TBCK: variants seen among roughly 807,000 people sequenced by gnomAD.
TBCK encodes TBC1 domain containing kinase, also known as TBC domain-containing protein kinase-like protein.
A neutral mutation model predicts 113.4 loss-of-function variants in TBCK; 99 were observed. The ratio of observed to expected loss-of-function variants is 0.87; its 90% confidence interval spans 0.74 to 1.03. The LOEUF is 1.03. Among genes scored for constraint, TBCK ranks in the 50% least tolerant of loss-of-function variants. The pLI is 0.00. For missense variants in TBCK, 1,045 were observed against 1,061.3 expected (o/e 0.98, Z 0.21); for synonymous variants, 369 against 370.8 (o/e 1.00, Z 0.05).
At chr4:106,138,419 T>TCC (rs1469646538) in intron 23 of TBCK, among the ~76,000 whole-genome samples, 7 of 141,812 alleles carry the variant, frequency 4.9e-5, no homozygotes, top group African/African-American at 1.7e-4. Flanking sequence ...ACTTAATGAC[T>TCC]CCACTGGAGT....
chr4:106,161,266 T>C (rs1220721193), intron 23 of TBCK, among the ~76,000 whole-genome samples: 1 of 152,144 alleles, frequency 6.6e-6, no homozygotes, highest in Admixed American at 6.5e-5. Flanking sequence ...TAAATGCATA[T>C]ATATTTAACT....
At chr4:106,060,931 T>C (rs1369398016) in intron 25 of TBCK, among the ~76,000 whole-genome samples, 1 of 151,664 alleles carries the variant, frequency 6.6e-6, no homozygotes, top group Non-Finnish European at 1.5e-5. Flanking sequence ...AGTGCAGATA[T>C]GGTGGAAATA....
chr4:106,173,497 T>A (rs1433594032), intron 22 of TBCK, among the ~76,000 whole-genome samples: 2 of 152,116 alleles, frequency 1.3e-5, no homozygotes, highest in African/African-American at 4.8e-5. Context: ...ATTTGACACA[T>A]CTGTCACCAG....
Position 106,250,476 on chromosome 4 carries a change from T to C in TBCK, c.600A>G (p.Gly200=), listed in dbSNP as rs1761307454. The change falls in exon 7 of 26, where the codon GGA becomes GGG. Residue 200 remains glycine (G), a splice_region_variant and synonymous_variant. Transcript: ENST00000394708. Reference sequence around the variant, plus strand: ...TATCCAAGCTCTGAAATAATTTTCTTCCCTAAATAAAATGAGAAAAGAAAT... The same window carrying C: ...TATCCAAGCTCTGAAATAATTTTCTCCCCTAAATAAAATGAGAAAAGAAAT... ...LGIILFELCV[G]RKLFQSLDIS... is the part of the protein sequence containing the mutation. 6.6e-7 allele frequency: 1 copy of C among 1,522,022 alleles called. No homozygotes were observed. Among genetic ancestry groups the C allele is most frequent in the Non-Finnish European group, 9.0e-7 (1 of 1,116,220 alleles). 94.3% of individuals were successfully genotyped at this position (1,522,022 alleles called of 1,614,324 possible). A position where few individuals can be genotyped will look rare whatever the true frequency, so the allele number is the denominator to read the frequency against.
In TBCK at chr4:106,249,821, T is replaced by G. The variant is rs143489721; in HGVS notation, c.658+597A>C. 1.9e-3 allele frequency among the ~76,000 whole-genome samples: 295 copies of G among 152,238 alleles called. 2 individuals carry two copies. Among genetic ancestry groups the G allele is most frequent in the African/African-American group, 6.7e-3 (277 of 41,572 alleles). ...AATACTTTCCTGTACATATTCTTAT[T>G]TGTAAATGTTTTTAACTTGGATACT... On this transcript the variant is annotated intron_variant, in intron 7 of 25. Coordinates refer to ENST00000394708, the MANE Select transcript of TBCK (RefSeq NM_001163435.3).
chr4:106,058,456 G>T (rs79449940), intron 25 of TBCK, among the ~76,000 whole-genome samples: 9,502 of 151,818 alleles, frequency 0.063, 349 homozygotes, highest in Non-Finnish European at 0.08. Flanking sequence ...ATTTAAGAGT[G>T]ATACTTAGTT....
intron 22 of TBCK, among the ~76,000 whole-genome samples, chr4:106,180,840 G>T (rs568381215): frequency 6.6e-6 from 1 of 152,058 alleles, no homozygotes; most frequent in South Asian, 2.1e-4. Context: ...CACAATAAAC[G>T]TATGTGTGCA....
chr4:106,290,246 C>A (rs540468781), intron 3 of TBCK, among the ~76,000 whole-genome samples: 1 of 152,084 alleles, frequency 6.6e-6, no homozygotes, highest in East Asian at 1.9e-4. Context: ...GGCGTGATCT[C>A]GGCTCACTGC....
chr4:106,273,350 T>A (rs1763701632), intron 3 of TBCK, among the ~76,000 whole-genome samples: 1 of 152,216 alleles, frequency 6.6e-6, no homozygotes, highest in African/African-American at 2.4e-5. Flanking sequence ...TCCTGACCTC[T>A]TTTCTAAAGA....
At chr4:106,237,794 A>G (rs1238452407) in intron 12 of TBCK, among the ~76,000 whole-genome samples, 1 of 152,126 alleles carries the variant, frequency 6.6e-6, no homozygotes, top group African/African-American at 2.4e-5. Context: ...TAAGTTAGGA[A>G]ATAAAATTTT....
intron 2 of TBCK, among the ~76,000 whole-genome samples, chr4:106,296,264 T>C (rs1349872135): frequency 2.6e-5 from 4 of 152,126 alleles, no homozygotes; most frequent in East Asian, 1.9e-4. Context: ...AGGAGTTTGG[T>C]TCAAAAGAAG....
intron 25 of TBCK, among the ~76,000 whole-genome samples, chr4:106,053,544 T>A (rs76047610): frequency 6.6e-6 from 1 of 151,646 alleles, no homozygotes; most frequent in African/African-American, 2.4e-5. Context: ...TCGTGCTCCA[T>A]TGCTTAGTCC....
chr4:106,308,928 G>A lies in TBCK; in HGVS notation c.33C>T (p.Ala11=). The A allele has an allele frequency of 1.2e-6, 2 of 1,614,082 alleles. No homozygotes were observed. The highest frequency in any genetic ancestry group is 1.7e-6 in the Non-Finnish European group (2 of 1,180,010). The change falls in exon 2 of 26, where the codon GCC becomes GCT. Residue 11 remains alanine, a synonymous_variant. Coordinates refer to ENST00000394708, the MANE Select transcript of TBCK (RefSeq NM_001163435.3). Reference sequence around the variant, plus strand: ...GCAGAGCCGAGGCAAAGAAGGTAAAGGCTCCCATTTCAGCGTCCTTCAGGG... The same window carrying A: ...GCAGAGCCGAGGCAAAGAAGGTAAAAGCTCCCATTTCAGCGTCCTTCAGGG... MFPLKDAEMG[A]FTFFASALPH...
At chr4:106,242,942 T>C (rs568921982) in intron 11 of TBCK, among the ~76,000 whole-genome samples, 32 of 145,544 alleles carry the variant, frequency 2.2e-4, no homozygotes, top group African/African-American at 7.4e-4. Flanking sequence ...AATTCTCACC[T>C]ATGAGTGAGA....
chr4:106,283,758 G>GA lies in TBCK; in HGVS notation c.266+11335dup, dbSNP rs370844286. ...TAATAAGATGCCTTTTCCTCTGGGG[G>GA]AAAAAAAAAAAGAAATGGAGAACCT... On this transcript the variant is annotated intron_variant, in intron 3 of 25. Transcript: ENST00000394708. Among the ~76,000 whole-genome samples the GA allele has an allele frequency of 2.1e-3, 308 of 144,386 alleles. 2 individuals are homozygous for GA. The highest frequency in any genetic ancestry group is 3.5e-3 in the Middle Eastern group (1 of 286). The allele number at this position is 144,386 out of a possible 152,430, so 94.7% of individuals were successfully genotyped here.
At chr4:106,184,288 A>C (rs1752756246) in intron 22 of TBCK, among the ~76,000 whole-genome samples, 1 of 152,086 alleles carries the variant, frequency 6.6e-6, no homozygotes, top group Non-Finnish European at 1.5e-5. Flanking sequence ...ATTAAAATAT[A>C]AGGAATACTT....
intron 20 of TBCK, among the ~76,000 whole-genome samples, chr4:106,204,054 G>A (rs922129344): frequency 6.6e-6 from 1 of 151,996 alleles, no homozygotes; most frequent in African/African-American, 2.4e-5. Flanking sequence ...TATGAATCAT[G>A]CTAATAAAAG....
Position 106,095,355 on chromosome 4 carries a change from G to C in TBCK, c.2571+127C>G, listed in dbSNP as rs1050595178. 25 of 812,672 alleles carry C rather than the reference G, an allele frequency of 3.1e-5. No homozygotes were observed. The East Asian group carries it at 7.5e-4, about 25-fold the overall frequency. 50.3% of individuals were successfully genotyped at this position (812,672 alleles called of 1,614,324 possible). A position where few individuals can be genotyped will look rare whatever the true frequency, so the allele number is the denominator to read the frequency against. On this transcript the variant is annotated intron_variant, in intron 25 of 25. Coordinates refer to ENST00000394708, the MANE Select transcript of TBCK (RefSeq NM_001163435.3). ...ACAAACTCTTCCATATAAGAACACA[G>C]ACAAATCTTCAAAGCTCATAGTATT... is the stretch of plus-strand genomic sequence containing the variant.
At chr4:106,048,603 T>A (rs554783060) in intron 25 of TBCK, among the ~76,000 whole-genome samples, 27 of 152,252 alleles carry the variant, frequency 1.8e-4, no homozygotes, top group African/African-American at 6.3e-4. Context: ...TATTGAAACA[T>A]CTTGGCTGCA....
Sources: gnomAD v4.1 joint callset for allele counts (sites outside exome capture counted in the v4.1 genomes callset) on GRCh38, gnomAD v4.1.1 for gene constraint, MANE v1.5 for transcripts, NCBI Gene and HGNC (gene_info 2026-07-23, HGNC 2026-07-21) for gene names.